Variants in ARHGAP8 observed in about 807,000 individuals in gnomAD.
ARHGAP8 encodes Rho GTPase activating protein 8.
A neutral mutation model predicts 46.1 loss-of-function variants in ARHGAP8; 62 were observed. That is an observed-to-expected ratio of 1.34 (90% CI 1.10 to 1.66). ARHGAP8 has a LOEUF of 1.66. Ranked by LOEUF, ARHGAP8 falls within the 40% of genes most tolerant of loss-of-function variation. The pLI, the probability that ARHGAP8 is intolerant of heterozygous loss-of-function variation, is 0.00. For synonymous variants in ARHGAP8, 375 were observed against 243.1 expected (o/e 1.54, Z -5.05); for missense variants, 923 against 568.4 (o/e 1.62, Z -6.34).
At chr22:44,861,463 G>A (rs576231228) in intron 11 of ARHGAP8, among the ~76,000 whole-genome samples, 192 of 118,262 alleles carry the variant, frequency 1.6e-3, no homozygotes, top group African/African-American at 5.6e-3. Context: ...TTGGGGGACC[G>A]GCAGCCAGGG....
At chr22:44,853,700 A>T (rs2070150863) in intron 10 of ARHGAP8, among the ~76,000 whole-genome samples, 1 of 152,164 alleles carries the variant, frequency 6.6e-6, no homozygotes, top group African/African-American at 2.4e-5. Context: ...TTCACTTTTT[A>T]AAAGCCTCTT....
rs78823624 is a variant in ARHGAP8, at chr22:44,859,764, G to C, written c.911G>C (p.Arg304Pro). 6 of 1,613,840 alleles carry C rather than the reference G, an allele frequency of 3.7e-6. No homozygotes were observed. The African/African-American group carries it at 8.0e-5, about 22-fold the overall frequency. ...VESSLRVTGC[R>P]QILRSLPEHN... ...AGCAGCCTGCGTGTCACTGGCTGCC[G>C]CCAGATCTTACGGAGCCTCCCAGAG... Residue 304 changes from arginine (R) to proline (P), a missense_variant, in exon 11 of 12, where the codon CGC becomes CCC. Coordinates refer to ENST00000356099, the MANE Select transcript of ARHGAP8 (RefSeq NM_181335.3).
At chr22:44,834,918 A>AT (rs1931181785) in intron 7 of ARHGAP8, among the ~76,000 whole-genome samples, 1 of 152,136 alleles carries the variant, frequency 6.6e-6, no homozygotes, top group African/African-American at 2.4e-5. Context: ...TAATATAGCC[A>AT]TTATAGCTCT....
At chr22:44,781,824 CTATTT>C (rs944075716) in intron 1 of ARHGAP8, among the ~76,000 whole-genome samples, 2 of 151,450 alleles carry the variant, frequency 1.3e-5, no homozygotes, top group Non-Finnish European at 2.9e-5. Context: ...CGTGCCTGGC[CTATTT>C]TATTTATTTT....
intron 7 of ARHGAP8, among the ~76,000 whole-genome samples, chr22:44,834,607 T>C (rs1423960605): frequency 6.6e-6 from 1 of 152,170 alleles, no homozygotes; most frequent in Non-Finnish European, 1.5e-5. Context: ...GCTCTATAAA[T>C]GTCAATTAAG....
chr22:44,858,310 TACATGTTCAC>T (rs1261473507), intron 10 of ARHGAP8, among the ~76,000 whole-genome samples: 4 of 150,188 alleles, frequency 2.7e-5, no homozygotes, highest in South Asian at 2.1e-4. Flanking sequence ...CACATGTGCA[TACATGTTCAC>T]ACATGCACCC....
intron 11 of ARHGAP8, 73 bp downstream of exon 11, chr22:44,859,907 G>A (rs1008671656): frequency 6.5e-7 from 1 of 1,533,188 alleles, no homozygotes; most frequent in Admixed American, 1.8e-5. Context: ...GCATGGACCA[G>A]TCCCCTCCTT....
At chr22:44,826,396 C>A (rs1015263972) in intron 7 of ARHGAP8, among the ~76,000 whole-genome samples, 1 of 152,170 alleles carries the variant, frequency 6.6e-6, no homozygotes, top group Admixed American at 6.5e-5. Flanking sequence ...CCTCTTCTCT[C>A]AGCTTGTTTC....
intron 1 of ARHGAP8, among the ~76,000 whole-genome samples, chr22:44,759,498 G>T (rs771253049): frequency 6.6e-6 from 1 of 152,216 alleles, no homozygotes; most frequent in East Asian, 1.9e-4. Flanking sequence ...AAAGGTCTGG[G>T]GATAGTATGG....
chr22:44,805,710 G>A (rs577965150), intron 3 of ARHGAP8, among the ~76,000 whole-genome samples: 97 of 152,288 alleles, frequency 6.4e-4, no homozygotes, highest in African/African-American at 2.3e-3. Flanking sequence ...ATGCAAAGGT[G>A]CTCTGTGGGC....
Position 44,862,433 on chromosome 22 carries a change from C to G in ARHGAP8, c.1140C>G (p.Ile380Met). 1 of 1,614,152 alleles carries G rather than the reference C, an allele frequency of 6.2e-7. No individual in the cohort carries two copies. The highest frequency in any genetic ancestry group is 1.3e-5 in the African/African-American group (1 of 75,046). ...TGCTGATCGAGTACTATGAAAAGAT[C>G]TTCAGCACCCCGGAGGCACCTGGGG... ...TELLIEYYEK[I>M]FSTPEAPGEH... Residue 380 changes from isoleucine (I) to methionine (M), a missense_variant, in exon 12 of 12, where the codon ATC becomes ATG. Coordinates refer to ENST00000356099, the MANE Select transcript of ARHGAP8 (RefSeq NM_181335.3).
At chr22:44,859,986 C>T in intron 11 of ARHGAP8, 152 bp downstream of exon 11, 1 of 962,940 alleles carries the variant, frequency 1.0e-6, no homozygotes, top group Non-Finnish European at 1.5e-6. Flanking sequence ...AGGACCTCAT[C>T]CAAGGCCTGG....
intron 2 of ARHGAP8, among the ~76,000 whole-genome samples, chr22:44,796,338 GC>G (rs1181066421): frequency 2.0e-5 from 3 of 152,218 alleles, no homozygotes; most frequent in African/African-American, 7.2e-5. Flanking sequence ...CTCGGGGGCA[GC>G]TGATGGTGGG....
intron 2 of ARHGAP8, among the ~76,000 whole-genome samples, chr22:44,797,133 G>A (rs1928147423): frequency 6.6e-6 from 1 of 151,866 alleles, no homozygotes. Flanking sequence ...TGCTGGTTGA[G>A]CTGATCTTCC....
At chr22:44,772,029 G>A in intron 1 of ARHGAP8, among the ~76,000 whole-genome samples, 1 of 152,054 alleles carries the variant, frequency 6.6e-6, no homozygotes, top group South Asian at 2.1e-4. Flanking sequence ...TATGATGTTA[G>A]CTGTAGATTT....
intron 4 of ARHGAP8, among the ~76,000 whole-genome samples, chr22:44,812,437 A>G (rs1046721320): frequency 6.7e-6 from 1 of 149,952 alleles, no homozygotes; most frequent in Non-Finnish European, 1.5e-5. Context: ...GCTCACGGCA[A>G]CCTCTGCCTC....
At chr22:44,826,608 G>A (rs567773244) in intron 7 of ARHGAP8, among the ~76,000 whole-genome samples, 120 of 152,192 alleles carry the variant, frequency 7.9e-4, no homozygotes, top group Admixed American at 7.7e-3. Flanking sequence ...TGTATTTTTA[G>A]TAGAGACAGG....
chr22:44,850,692 A>G (rs1405803844), intron 10 of ARHGAP8: 2 of 152,252 alleles, frequency 1.3e-5, no homozygotes, highest in Admixed American at 6.5e-5. Flanking sequence ...TGGGCCAGGC[A>G]TGGTGGCTCA....
rs201788754 is a variant in ARHGAP8, at chr22:44,824,607, GTCTTT to G, written c.486-865_486-861del. ...AAGGACTGTTACCTGAGCACAGAGGGTCTTTTCTTTTCTTTCTTCTTCTTTTCTTT... is the reference window on the plus strand; with the variant it reads ...AAGGACTGTTACCTGAGCACAGAGGGTCTTTTCTTTCTTCTTCTTTTCTTT... On this transcript the variant is annotated intron_variant, in intron 6 of 11. Transcript: ENST00000356099. Among the ~76,000 whole-genome samples, 695 of 150,742 alleles carry G rather than the reference GTCTTT, an allele frequency of 4.6e-3. 4 individuals carry two copies. Among genetic ancestry groups the G allele is most frequent in the African/African-American group, 0.016 (666 of 41,030 alleles).
Sources: allele counts gnomAD v4.1 joint callset (sites outside exome capture counted in the v4.1 genomes callset), GRCh38; gene constraint gnomAD v4.1.1; transcripts MANE v1.5; gene names NCBI Gene and HGNC (gene_info 2026-07-23, HGNC 2026-07-21).